MTMR6: variants seen among roughly 807,000 people sequenced by gnomAD.
MTMR6 encodes the protein myotubularin related protein 6.
Under a neutral mutation model 80.1 loss-of-function variants are expected in MTMR6, and 47 were observed. The observed-to-expected ratio is 0.59, with a 90% CI of 0.46 to 0.75. The LOEUF (loss-of-function observed/expected upper bound fraction) is 0.75, where lower values mean the gene tolerates loss of function less well. MTMR6 is among the 30% of genes least tolerant of loss of function. The pLI, the probability that MTMR6 is intolerant of heterozygous loss-of-function variation, is 0.00. For synonymous variants in MTMR6, 254 were observed against 253.0 expected, an observed-to-expected ratio of 1.00 and a Z score of -0.04; for missense variants, 629 against 730.9, an observed-to-expected ratio of 0.86 and a Z score of 1.61.
At chr13:25,250,956 G>A (rs1471515721) in intron 13 of MTMR6, among the ~76,000 whole-genome samples, 1 of 152,086 alleles carries the variant, frequency 6.6e-6, no homozygotes, top group African/African-American at 2.4e-5. Flanking sequence ...TGATACATGG[G>A]TGAAGACTGG....
chr13:25,287,403 C>A lies in MTMR6; in HGVS notation c.-156G>T. The A allele has an allele frequency of 1.0e-6, 1 of 975,264 alleles. No individual in the cohort carries two copies. The highest frequency in any genetic ancestry group is 2.1e-5 in the Admixed American group (1 of 47,366). 60.4% of individuals were successfully genotyped at this position (975,264 alleles called of 1,614,324 possible). On this transcript the variant is annotated 5_prime_UTR_variant, in exon 1 of 14. Transcript: ENST00000381801. Reference sequence around the variant, plus strand: ...CCCGGTGGCGTCAACGGCGCAGGTGCAGCCGGTGAGCGCCGTCTCCTAGAA... The same window carrying A: ...CCCGGTGGCGTCAACGGCGCAGGTGAAGCCGGTGAGCGCCGTCTCCTAGAA...
rs1246233019 is a variant in MTMR6 at position 25,267,647 on chromosome 13, G to A, written c.304+132C>T. The A allele has an allele frequency of 7.4e-6, 6 of 808,744 alleles. No homozygotes were observed. The African/African-American group carries it at 8.7e-5, about 12-fold the overall frequency. 50.1% of individuals were successfully genotyped at this position (808,744 alleles called of 1,614,324 possible). A position where few individuals can be genotyped will look rare whatever the true frequency, so the allele number is the denominator to read the frequency against. ...TAATTACTTTCAGGCCAATATGGGGGAGATAGAGTACAAAAGAACCTGACT... is the reference window on the plus strand; with the variant it reads ...TAATTACTTTCAGGCCAATATGGGGAAGATAGAGTACAAAAGAACCTGACT... On this transcript the variant is annotated intron_variant, in intron 3 of 13. Coordinates refer to ENST00000381801, the MANE Select transcript of MTMR6 (RefSeq NM_004685.5).
At chr13:25,271,408 C>G (rs1326317822) in intron 2 of MTMR6, among the ~76,000 whole-genome samples, 1 of 152,200 alleles carries the variant, frequency 6.6e-6, no homozygotes, top group East Asian at 1.9e-4. Context: ...AACAGCAGAG[C>G]TGACATTTGA....
intron 9 of MTMR6, among the ~76,000 whole-genome samples, chr13:25,255,348 G>A (rs768924197): frequency 1.8e-4 from 27 of 152,310 alleles, no homozygotes; most frequent in Non-Finnish European, 4.0e-4. Flanking sequence ...ACAAAACCAT[G>A]TTTAAAGCAT....
chr13:25,280,867 C>T (rs989437852), intron 1 of MTMR6, among the ~76,000 whole-genome samples: 15 of 152,130 alleles, frequency 9.9e-5, no homozygotes, highest in African/African-American at 3.6e-4. Flanking sequence ...TGGTAAATGC[C>T]AACACACATT....
chr13:25,249,356 G>A lies in MTMR6; in HGVS notation c.1742C>T (p.Ala581Val). The A allele has an allele frequency of 6.2e-7, 1 of 1,614,148 alleles. No homozygotes were observed. Among genetic ancestry groups the A allele is most frequent in the South Asian group, 1.1e-5 (1 of 91,084 alleles). The change falls in exon 14 of 14, where the codon GCT (alanine) becomes GTT (valine). Residue 581 changes from alanine to valine, a missense_variant. Physicochemically the swap from Ala to Val is moderately conservative, Grantham distance 64. Coordinates refer to ENST00000381801, the MANE Select transcript of MTMR6 (RefSeq NM_004685.5). ...GCTGCTGCCCTCTATAGTTCGAAGA[G>A]CATCATTTACGGGTAGCAGAGTCTG... ...KEQTLLPVND[A>V]LRTIEGSSPA...
chr13:25,256,487 A>C (rs1464333424), intron 9 of MTMR6, among the ~76,000 whole-genome samples: 1 of 152,222 alleles, frequency 6.6e-6, no homozygotes, highest in Non-Finnish European at 1.5e-5. Flanking sequence ...ACTGTATTTA[A>C]TAATTCAAGA....
intron 9 of MTMR6, among the ~76,000 whole-genome samples, chr13:25,255,437 C>T (rs1593143143): frequency 6.6e-6 from 1 of 152,212 alleles, no homozygotes; most frequent in East Asian, 1.9e-4. Flanking sequence ...TCCATCCTGG[C>T]ACCTAATTCA....
chr13:25,284,147 G>C (rs1957912572), intron 1 of MTMR6, among the ~76,000 whole-genome samples: 1 of 152,030 alleles, frequency 6.6e-6, no homozygotes, highest in African/African-American at 2.4e-5. Flanking sequence ...AAAGAGGTTT[G>C]GGGGGGAAGC....
At chr13:25,264,008 T>A (rs1272648605) in intron 5 of MTMR6, among the ~76,000 whole-genome samples, 1 of 152,038 alleles carries the variant, frequency 6.6e-6, no homozygotes, top group African/African-American at 2.4e-5. Context: ...TTGAAAGACA[T>A]GAAAGACAAA....
intron 6 of MTMR6, 133 bp from the exon 7 acceptor site, chr13:25,258,825 C>T (rs1191893871): frequency 2.5e-5 from 16 of 643,300 alleles, no homozygotes; most frequent in Non-Finnish European, 3.3e-5. Flanking sequence ...GAATAAGCTA[C>T]CATTCATCTT....
rs148014919 is a variant in MTMR6 at position 25,256,936 on chromosome 13, T to C, written c.1095+260A>G. 7.2e-3 allele frequency among the ~76,000 whole-genome samples: 1,100 copies of C among 152,298 alleles called. 18 individuals are homozygous for C. Among genetic ancestry groups the C allele is most frequent in the African/African-American group, 0.025 (1,047 of 41,552 alleles). On this transcript the variant is annotated intron_variant, in intron 9 of 13. Coordinates refer to ENST00000381801, the MANE Select transcript of MTMR6 (RefSeq NM_004685.5). The stretch of plus-strand genomic sequence containing the variant: ...TTGTCAGTGTTAGCACAAATGGAAA[T>C]AAGTCTAATTCAAGGTTTTTCAACC...
chr13:25,285,095 GTCAAAA>G (rs1413342419), intron 1 of MTMR6, among the ~76,000 whole-genome samples: 3 of 152,152 alleles, frequency 2.0e-5, no homozygotes, highest in African/African-American at 7.2e-5. Context: ...GTAAAGATAA[GTCAAAA>G]TCAGAGCATT....
At chr13:25,287,101 C>T in intron 1 of MTMR6, 123 bp downstream of exon 1, 3 of 1,413,844 alleles carry the variant, frequency 2.1e-6, no homozygotes, top group Admixed American at 2.0e-5. Flanking sequence ...CCCTCCCGCC[C>T]CGGGCCGGGT....
intron 9 of MTMR6, among the ~76,000 whole-genome samples, chr13:25,256,791 T>C (rs1395721420): frequency 6.6e-6 from 1 of 152,230 alleles, no homozygotes; most frequent in Non-Finnish European, 1.5e-5. Context: ...TTTTAAGTAC[T>C]CTTATTTGTG....
At chr13:25,261,344 A>C (rs910284349) in intron 6 of MTMR6, among the ~76,000 whole-genome samples, 5 of 148,550 alleles carry the variant, frequency 3.4e-5, no homozygotes, top group Non-Finnish European at 6.0e-5. Flanking sequence ...GAATAGTAAC[A>C]ATTTATTTTT....
chr13:25,284,169 T>C (rs1957913215), intron 1 of MTMR6, among the ~76,000 whole-genome samples: 1 of 152,202 alleles, frequency 6.6e-6, no homozygotes, highest in African/African-American at 2.4e-5. Flanking sequence ...CTTAGAATTA[T>C]CATCAGCATT....
intron 9 of MTMR6, among the ~76,000 whole-genome samples, chr13:25,255,561 T>C (rs1957183409): frequency 6.6e-6 from 1 of 152,126 alleles, no homozygotes; most frequent in Non-Finnish European, 1.5e-5. Context: ...TCTCACTCTG[T>C]TGCCCAGGCT....
rs1176954713 is a variant in MTMR6, at chr13:25,287,422, C to T, written c.-175G>A. The T allele has an allele frequency of 5.1e-6, 4 of 781,162 alleles. No individual in the cohort carries two copies. Among genetic ancestry groups the T allele is most frequent in the Non-Finnish European group, 8.4e-6 (4 of 478,856 alleles). The allele number at this position is 781,162 out of a possible 1,614,324, so 48.4% of individuals were successfully genotyped here. ...CAGGTGCAGCCGGTGAGCGCCGTCT[C>T]CTAGAAACACTTCCCCAAACCCCGC... On this transcript the variant is annotated 5_prime_UTR_variant, in exon 1 of 14. Coordinates refer to ENST00000381801, the MANE Select transcript of MTMR6 (RefSeq NM_004685.5).
Sources: gnomAD v4.1 joint callset for allele counts (sites outside exome capture counted in the v4.1 genomes callset) on GRCh38, gnomAD v4.1.1 for gene constraint, MANE v1.5 for transcripts, NCBI Gene and HGNC (gene_info 2026-07-23, HGNC 2026-07-21) for gene names.